Variants in CEP192 observed in about 807,000 individuals in gnomAD.
CEP192 encodes centrosomal protein 192.
Under a neutral mutation model 271.8 loss-of-function variants are expected in CEP192, and 151 were observed. That is an observed-to-expected ratio of 0.56 (90% CI 0.49 to 0.64). The LOEUF is 0.64. CEP192 is among the 30% of genes least tolerant of loss of function. The probability of loss-of-function intolerance (pLI) is 0.00; values close to 1 mark genes in which losing one functional copy is unlikely to be tolerated. For missense variants in CEP192, 2,910 were observed against 3,020.5 expected, an observed-to-expected ratio of 0.96 and a Z score of 0.86; for synonymous variants, 995 against 1,076.5, an observed-to-expected ratio of 0.92 and a Z score of 1.48.
chr18:13,111,043 C>T (rs1292813983), intron 40 of CEP192, among the ~76,000 whole-genome samples: 1 of 152,178 alleles, frequency 6.6e-6, no homozygotes, highest in African/African-American at 2.4e-5. Context: ...CTGGCAACAC[C>T]CTCATAGACA....
chr18:13,055,266 C>T (rs1382134184), intron 18 of CEP192, among the ~76,000 whole-genome samples: 1 of 147,424 alleles, frequency 6.8e-6, no homozygotes, highest in Admixed American at 6.8e-5. Context: ...GCAACAAGAG[C>T]GAGACTCTGT....
intron 7 of CEP192, among the ~76,000 whole-genome samples, chr18:13,018,269 A>G (rs2034776420): frequency 6.6e-6 from 1 of 152,036 alleles, no homozygotes; most frequent in Admixed American, 6.6e-5. Context: ...CAGCCCTTTG[A>G]TCATCTTATT....
chr18:13,099,842 A>G (rs530608472), intron 37 of CEP192, among the ~76,000 whole-genome samples: 71 of 152,364 alleles, frequency 4.7e-4, no homozygotes, highest in African/African-American at 1.6e-3. Context: ...CTTAGAGATG[A>G]TCTAAAGTGT....
At chr18:13,093,908 C>T (rs543254603) in intron 34 of CEP192, among the ~76,000 whole-genome samples, 1 of 152,304 alleles carries the variant, frequency 6.6e-6, no homozygotes, top group Non-Finnish European at 1.5e-5. Context: ...GGAGATTTCA[C>T]CAAATCACCT....
At chr18:13,028,102 C>T (rs568194088) in intron 9 of CEP192, among the ~76,000 whole-genome samples, 42 of 152,212 alleles carry the variant, frequency 2.8e-4, no homozygotes, top group African/African-American at 8.9e-4. Context: ...CTGGTTCTCC[C>T]GGCTTCTGCT....
chr18:13,059,876 C>T (rs506877), intron 21 of CEP192, among the ~76,000 whole-genome samples: 3,351 of 152,152 alleles, frequency 0.022, 129 homozygotes, highest in African/African-American at 0.077. Context: ...GGCTGCCTCT[C>T]GGTAATTTTC....
chr18:13,054,129 G>A (rs1409996579), intron 18 of CEP192, among the ~76,000 whole-genome samples: 3 of 152,192 alleles, frequency 2.0e-5, no homozygotes, highest in Non-Finnish European at 2.9e-5. Flanking sequence ...AGCCCAGGCT[G>A]GTTTGATGTT....
At chr18:13,025,447 C>T (rs1343184336) in intron 9 of CEP192, among the ~76,000 whole-genome samples, 1 of 152,074 alleles carries the variant, frequency 6.6e-6, no homozygotes, top group Non-Finnish European at 1.5e-5. Context: ...GAGCTCCTGG[C>T]CTCAAGTGAT....
chr18:13,100,225 AC>A (rs2039640558), intron 37 of CEP192, 79 bp from the exon 38 acceptor site: 1 of 941,076 alleles, frequency 1.1e-6, no homozygotes, highest in Admixed American at 2.2e-5. Context: ...TCTTTTCTCT[AC>A]CATGGTTTAA....
Position 13,069,870 on chromosome 18 carries a change from G to C in CEP192, c.5174+14G>C. On this transcript the variant is annotated intron_variant, in intron 27 of 44. Coordinates refer to ENST00000506447, the MANE Select transcript of CEP192 (RefSeq NM_032142.4). ...CTGCGAGGAAAGGTAATATAAAAAT[G>C]TTATAATGGACCGGGCACAGTGGCT... The C allele has an allele frequency of 6.9e-7, 1 of 1,456,066 alleles. No individual in the cohort carries two copies. The highest frequency in any genetic ancestry group is 9.6e-7 in the Non-Finnish European group (1 of 1,037,918). The allele number at this position is 1,456,066 out of a possible 1,614,324, so 90.2% of individuals were successfully genotyped here.
intron 1 of CEP192, among the ~76,000 whole-genome samples, chr18:12,994,340 C>G (rs1299291249): frequency 1.3e-5 from 2 of 151,458 alleles, no homozygotes; most frequent in Non-Finnish European, 2.9e-5. Flanking sequence ...AGGCAAAGAT[C>G]TGGGAGAAGA....
chr18:13,118,535 T>C (rs1216311171), intron 44 of CEP192, among the ~76,000 whole-genome samples: 2 of 152,222 alleles, frequency 1.3e-5, no homozygotes, highest in East Asian at 3.8e-4. Flanking sequence ...TCCTATGGAC[T>C]ATAAAATGTT....
At chr18:13,052,416 A>G (rs1252119047) in intron 17 of CEP192, among the ~76,000 whole-genome samples, 1 of 152,112 alleles carries the variant, frequency 6.6e-6, no homozygotes, top group African/African-American at 2.4e-5. Context: ...CTTTATATTT[A>G]TCATTAATTT....
intron 20 of CEP192, 88 bp downstream of exon 20, chr18:13,057,821 C>A: frequency 7.9e-7 from 1 of 1,260,322 alleles, no homozygotes; most frequent in South Asian, 1.4e-5. Flanking sequence ...TAGGTTCTCC[C>A]TTCACGCCTT....
At chr18:13,025,420 T>C (rs116984976) in intron 9 of CEP192, among the ~76,000 whole-genome samples, 2,781 of 152,274 alleles carry the variant, frequency 0.018, 42 homozygotes, top group Middle Eastern at 0.092. Flanking sequence ...TCTTGCTATG[T>C]TGCCCAGTCT....
chr18:12,999,824 G>T (rs1028627625), intron 2 of CEP192, among the ~76,000 whole-genome samples: 9 of 136,676 alleles, frequency 6.6e-5, no homozygotes, highest in African/African-American at 2.5e-4. Context: ...ACCTATTTCG[G>T]TCTATTTTTT....
At position 13,059,225 on chromosome 18, in the gene CEP192, T is replaced by G; in HGVS notation, c.4401T>G (p.Cys1467Trp). 1 of 1,614,234 alleles carries G rather than the reference T, an allele frequency of 6.2e-7. No homozygotes were observed. The highest frequency in any genetic ancestry group is 1.1e-5 in the South Asian group (1 of 91,082). The change falls in exon 21 of 45, where the codon TGT (cysteine) becomes TGG (tryptophan). Residue 1467 changes from cysteine (C) to tryptophan (W), a missense_variant. Physicochemically the swap from Cys to Trp is radical, Grantham distance 215. Coordinates refer to ENST00000506447, the MANE Select transcript of CEP192 (RefSeq NM_032142.4). ...RCTFSVASWPCSTDAETIVQA... is the reference protein window; with the variant it reads ...RCTFSVASWPWSTDAETIVQA... ...CATTCAGTGTTGCTTCTTGGCCATG[T>G]TCGACAGATGCTGAGACCATCGTAC... is the stretch of plus-strand genomic sequence containing the variant.
At position 13,038,660 on chromosome 18, in the gene CEP192, A is replaced by T. The variant is rs565142802; in HGVS notation, c.1809+81A>T. ...ATTATGATGGCACAGTGACTTTAAA[A>T]TGGAGATAGAATAGGATGGGACAGA... On this transcript the variant is annotated intron_variant, in intron 13 of 44. Coordinates refer to ENST00000506447, the MANE Select transcript of CEP192 (RefSeq NM_032142.4). The T allele has an allele frequency of 2.0e-3, 2,158 of 1,083,320 alleles. 7 individuals are homozygous for T. Among genetic ancestry groups the T allele is most frequent in the Non-Finnish European group, 2.2e-3 (1,566 of 726,214 alleles). The allele number at this position is 1,083,320 out of a possible 1,614,324, so 67.1% of individuals were successfully genotyped here. A position where few individuals can be genotyped will look rare whatever the true frequency, so the allele number is the denominator to read the frequency against.
chr18:13,068,053 A>G, intron 22 of CEP192, 41 bp from the exon 23 acceptor site: 1 of 1,610,442 alleles, frequency 6.2e-7, no homozygotes, highest in Non-Finnish European at 8.5e-7. Flanking sequence ...TTAGCATTAC[A>G]CTGTTGGCTT....
Sources: gnomAD v4.1 joint callset for allele counts (sites outside exome capture counted in the v4.1 genomes callset) on GRCh38, gnomAD v4.1.1 for gene constraint, MANE v1.5 for transcripts, NCBI Gene and HGNC (gene_info 2026-07-23, HGNC 2026-07-21) for gene names.